Variants in PTPRT observed in about 807,000 individuals in gnomAD.
PTPRT encodes the protein receptor-type tyrosine-protein phosphatase T.
A neutral mutation model predicts 176.8 loss-of-function variants in PTPRT; 56 were observed. That is an observed-to-expected ratio of 0.32 (90% CI 0.26 to 0.40). The LOEUF is 0.40. Ranked by LOEUF, PTPRT falls within the 10% of genes least tolerant of loss-of-function variation. The probability of loss-of-function intolerance (pLI) is 1.00; values close to 1 mark genes in which losing one functional copy is unlikely to be tolerated. For synonymous variants in PTPRT, 783 were observed against 739.0 expected (o/e 1.06, Z -0.96); for missense variants, 1,540 against 1,908.2 (o/e 0.81, Z 3.60).
At chr20:43,173,244 C>G (rs937080616) in intron 1 of PTPRT, among the ~76,000 whole-genome samples, 3 of 152,110 alleles carry the variant, frequency 2.0e-5, no homozygotes, top group African/African-American at 7.2e-5. Flanking sequence ...TGTTAGAAAC[C>G]AAGCATTAAC....
At chr20:42,367,930 A>T (rs1180542613) in intron 9 of PTPRT, among the ~76,000 whole-genome samples, 1 of 152,020 alleles carries the variant, frequency 6.6e-6, no homozygotes, top group Admixed American at 6.6e-5. Context: ...GCAGGACTGA[A>T]CTCTTCATCC....
At chr20:42,498,451 A>T (rs1020835708) in intron 7 of PTPRT, among the ~76,000 whole-genome samples, 1 of 152,182 alleles carries the variant, frequency 6.6e-6, no homozygotes, top group African/African-American at 2.4e-5. Context: ...ACCTGATTCT[A>T]GTGTAACATC....
chr20:42,211,290 A>G (rs7345221), intron 15 of PTPRT, among the ~76,000 whole-genome samples: 108 of 148,740 alleles, frequency 7.3e-4, no homozygotes, highest in Non-Finnish European at 1.2e-3. Context: ...GACAAAATTG[A>G]CAAATGGGAT....
At chr20:42,335,901 G>T (rs2058032874) in intron 11 of PTPRT, among the ~76,000 whole-genome samples, 1 of 152,124 alleles carries the variant, frequency 6.6e-6, no homozygotes, top group Non-Finnish European at 1.5e-5. Context: ...AGACTGTGGG[G>T]CTAGACCATT....
intron 15 of PTPRT, among the ~76,000 whole-genome samples, chr20:42,209,810 A>T (rs1338995416): frequency 1.3e-5 from 2 of 152,226 alleles, no homozygotes; most frequent in Non-Finnish European, 2.9e-5. Flanking sequence ...GGCCAGCATC[A>T]TTCTGATACC....
At chr20:42,388,693 CA>C (rs2058768682) in intron 9 of PTPRT, among the ~76,000 whole-genome samples, 1 of 152,214 alleles carries the variant, frequency 6.6e-6, no homozygotes, top group African/African-American at 2.4e-5. Flanking sequence ...TAAACTAGTT[CA>C]ACCATTGTGG....
At chr20:42,465,828 T>C (rs985518439) in intron 8 of PTPRT, among the ~76,000 whole-genome samples, 6 of 152,212 alleles carry the variant, frequency 3.9e-5, no homozygotes, top group African/African-American at 7.2e-5. Flanking sequence ...GTTTGTTACA[T>C]AGGTAAATGC....
chr20:43,184,519 T>C (rs2015341888), intron 1 of PTPRT, among the ~76,000 whole-genome samples: 1 of 152,102 alleles, frequency 6.6e-6, no homozygotes, highest in South Asian at 2.1e-4. Context: ...AAACTCTGTC[T>C]CTACTAAAAA....
intron 16 of PTPRT, among the ~76,000 whole-genome samples, chr20:42,195,510 C>G (rs1735880808): frequency 2.1e-5 from 2 of 95,296 alleles, no homozygotes; most frequent in South Asian, 5.5e-4. Flanking sequence ...CCAGTGGTTC[C>G]ACAGGGCATT....
rs1600754958 is a variant in PTPRT at position 42,798,484 on chromosome 20, T to C, written c.215-7018A>G. ...AAACATAACAATAGACCAATAGCCA[T>C]ACCAATAAACATATCATTCAACATT... is the stretch of plus-strand genomic sequence containing the variant. On this transcript the variant is annotated intron_variant, in intron 2 of 30. Transcript: ENST00000373187. Among the ~76,000 whole-genome samples, 8 of 152,258 alleles carry C rather than the reference T, an allele frequency of 5.3e-5. No homozygotes were observed. The South Asian group carries it at 1.7e-3, about 32-fold the overall frequency.
intron 13 of PTPRT, among the ~76,000 whole-genome samples, chr20:42,258,859 C>T (rs2146955503): frequency 6.6e-6 from 1 of 152,224 alleles, no homozygotes; most frequent in South Asian, 2.1e-4. Context: ...TCAAAGATAG[C>T]TCTACCCTTG....
chr20:42,623,884 T>C (rs1445682632), intron 7 of PTPRT, among the ~76,000 whole-genome samples: 2 of 152,004 alleles, frequency 1.3e-5, no homozygotes, highest in Non-Finnish European at 2.9e-5. Flanking sequence ...CCTCCTTTGG[T>C]TCTACTGCAA....
chr20:42,483,727 A>G (rs148203430), intron 7 of PTPRT, among the ~76,000 whole-genome samples: 1 of 152,364 alleles, frequency 6.6e-6, no homozygotes, highest in Non-Finnish European at 1.5e-5. Context: ...TCGGGCCCAC[A>G]GTAAGCACAA....
chr20:42,424,996 T>C (rs35800638), intron 9 of PTPRT, among the ~76,000 whole-genome samples: 15,598 of 151,918 alleles, frequency 0.1, 983 homozygotes, highest in African/African-American at 0.16. Context: ...CTATATTTCT[T>C]TGACATTACG....
chr20:42,177,474 A>G lies in PTPRT; in HGVS notation c.2492-15932T>C, dbSNP rs545283619. ...TAACCCTGGAAAGAACAGATACCTA[A>G]CACTCTCATAAGAATGAATAAAGCA... On this transcript the variant is annotated intron_variant, in intron 16 of 30. Coordinates refer to ENST00000373187, the MANE Select transcript of PTPRT (RefSeq NM_007050.6). Among the ~76,000 whole-genome samples, 4 of 152,350 alleles carry G rather than the reference A, an allele frequency of 2.6e-5. No individual in the cohort carries two copies. In the East Asian group the frequency reaches 7.7e-4, roughly 29 times the overall value.
chr20:42,722,390 T>G (rs1222747256), intron 6 of PTPRT, among the ~76,000 whole-genome samples: 1 of 152,324 alleles, frequency 6.6e-6, no homozygotes, highest in African/African-American at 2.4e-5. Flanking sequence ...CTAAATCCCC[T>G]GGACATTAGC....
intron 7 of PTPRT, among the ~76,000 whole-genome samples, chr20:42,483,469 C>G (rs2071419536): frequency 6.6e-6 from 1 of 152,194 alleles, no homozygotes; most frequent in Non-Finnish European, 1.5e-5. Context: ...CCAGCCTCCA[C>G]TCGTTCTTTA....
At chr20:42,285,346 A>C (rs943140273) in intron 12 of PTPRT, among the ~76,000 whole-genome samples, 1 of 152,022 alleles carries the variant, frequency 6.6e-6, no homozygotes, top group Non-Finnish European at 1.5e-5. Flanking sequence ...ACAACAACAA[A>C]AAAAGATTTT....
intron 19 of PTPRT, among the ~76,000 whole-genome samples, chr20:42,128,498 T>C (rs746642556): frequency 6.6e-5 from 10 of 152,122 alleles, no homozygotes; most frequent in Non-Finnish European, 1.3e-4. Flanking sequence ...AACAGACATA[T>C]ACACAAATGA....
Sources: allele counts gnomAD v4.1 joint callset (sites outside exome capture counted in the v4.1 genomes callset), GRCh38; gene constraint gnomAD v4.1.1; transcripts MANE v1.5; gene names NCBI Gene and HGNC (gene_info 2026-07-23, HGNC 2026-07-21).